DMD: variants seen among roughly 807,000 people sequenced by gnomAD.
DMD encodes the protein dystrophin.
In DMD, 63 loss-of-function variants were observed where a neutral mutation model predicts 330.1. That is an observed-to-expected ratio of 0.19 (90% confidence interval 0.16 to 0.24). The LOEUF is 0.24. Ranked by LOEUF, DMD falls within the 10% of genes least tolerant of loss-of-function variation. The pLI is 1.00. For missense variants in DMD, 3,344 were observed against 2,684.1 expected, an observed-to-expected ratio of 1.25 and a Z score of -5.43; for synonymous variants, 1,223 against 959.8, an observed-to-expected ratio of 1.27 and a Z score of -5.07.
chrX:32,538,991 T>A (rs1286581930), intron 17 of DMD, among the ~76,000 whole-genome samples: 1 of 111,306 alleles, frequency 9.0e-6, no homozygotes, highest in Non-Finnish European at 1.9e-5. Flanking sequence ...GCACTGCAGT[T>A]TGAATATTAC....
intron 59 of DMD, among the ~76,000 whole-genome samples, chrX:31,464,274 T>C (rs1045384822): frequency 1.8e-5 from 2 of 112,178 alleles, no homozygotes; most frequent in Non-Finnish European, 3.8e-5. Flanking sequence ...TGTACAACTC[T>C]GATTTAATCC....
In DMD at chrX:32,364,744, G is replaced by A. The variant is rs1005020985; in HGVS notation, c.5026-34C>T. Reference sequence around the variant, plus strand: ...TACAGAGACATACCATGGCATTATTGGTTAGACAATATTCTTAAAGAATTT... The same window carrying A: ...TACAGAGACATACCATGGCATTATTAGTTAGACAATATTCTTAAAGAATTT... On this transcript the variant is annotated intron_variant, in intron 35 of 78. Transcript: ENST00000357033. 3.4e-6 allele frequency: 4 copies of A among 1,187,790 alleles called. No individual in the cohort carries two copies. In the African/African-American group the frequency reaches 7.1e-5, roughly 21 times the overall value.
upstream of DMD, among the ~76,000 whole-genome samples, chrX:33,214,951 C>A (rs1453268024): frequency 8.9e-6 from 1 of 112,399 alleles, no homozygotes; most frequent in African/African-American, 3.2e-5. Flanking sequence ...CCACACTCGG[C>A]CAGTTTGTAA....
At chrX:32,659,762 A>G (rs1393772425) in intron 9 of DMD, among the ~76,000 whole-genome samples, 1 of 111,054 alleles carries the variant, frequency 9.0e-6, no homozygotes, top group Admixed American at 9.6e-5. Context: ...AGCAGGGACA[A>G]GAAATGACAC....
rs773135408 is a variant in DMD at position 32,697,929 on chromosome X, A to T, written c.901T>A (p.Tyr301Asn). The change falls in exon 9 of 79, where the codon TAC (tyrosine) becomes AAC (asparagine). Residue 301 changes from tyrosine to asparagine, a missense_variant. Tyr to Asn is a moderately radical substitution (Grantham distance 143). Coordinates refer to ENST00000357033, the MANE Select transcript of DMD (RefSeq NM_004006.3). The part of the protein sequence containing the change: ...SPKPRFKSYA[Y>N]TQAAYVTTSD... ...GTGGTGACATAAGCAGCCTGTGTGTAGGCATAGCTCTTGAATCGAGGCTTA... is the reference window on the plus strand; with the variant it reads ...GTGGTGACATAAGCAGCCTGTGTGTTGGCATAGCTCTTGAATCGAGGCTTA... 1 of 1,208,815 alleles carries T rather than the reference A, an allele frequency of 8.3e-7. No homozygotes were observed. Among genetic ancestry groups the T allele is most frequent in the Non-Finnish European group, 1.1e-6 (1 of 894,088 alleles).
chrX:32,189,166 A>G (rs2096960607), intron 44 of DMD, among the ~76,000 whole-genome samples: 1 of 110,623 alleles, frequency 9.0e-6, no homozygotes, highest in Admixed American at 9.7e-5. Context: ...CCTATTTAAC[A>G]ATAATTTTTC....
intron 47 of DMD, among the ~76,000 whole-genome samples, chrX:31,890,082 A>T (rs928487506): frequency 4.8e-4 from 49 of 102,546 alleles, no homozygotes; most frequent in Non-Finnish European, 8.6e-4. Context: ...AATAGAATTT[A>T]AAAAAAAAAA....
chrX:33,223,332 A>G (rs1238129953), intron 1 of DMD, among the ~76,000 whole-genome samples: 5 of 111,748 alleles, frequency 4.5e-5, no homozygotes, highest in Non-Finnish European at 5.6e-5. Flanking sequence ...CAAACAAACA[A>G]ACAAAAACAA....
intron 2 of DMD, among the ~76,000 whole-genome samples, chrX:32,877,603 G>A (rs758131413): frequency 9.0e-6 from 1 of 111,651 alleles, no homozygotes; most frequent in Non-Finnish European, 1.9e-5. Context: ...ACACTTCTGC[G>A]TGCCCACCTC....
intron 7 of DMD, among the ~76,000 whole-genome samples, chrX:32,709,169 A>T (rs964808478): frequency 7.1e-5 from 8 of 111,909 alleles, no homozygotes; most frequent in African/African-American, 2.3e-4. Flanking sequence ...CCCAACTACA[A>T]ATACAATAAT....
intron 57 of DMD, among the ~76,000 whole-genome samples, chrX:31,486,302 T>C (rs2068801638): frequency 8.9e-6 from 1 of 112,367 alleles, no homozygotes; most frequent in African/African-American, 3.2e-5. Context: ...GTGTGTTATA[T>C]GAAGGCCAAG....
At chrX:32,536,287 A>AAAAAAAACAC (rs1556769787) in intron 17 of DMD, among the ~76,000 whole-genome samples, 2 of 106,052 alleles carry the variant, frequency 1.9e-5, no homozygotes, top group African/African-American at 7.3e-5. Context: ...AAAAAAAAAA[A>AAAAAAAACAC]ACACACAAAT....
chrX:32,468,440 T>C (rs2040279806), intron 23 of DMD, 58 bp downstream of exon 23: 2 of 1,008,411 alleles, frequency 2.0e-6, no homozygotes, highest in Non-Finnish European at 2.7e-6. Context: ...TTACAGTGTA[T>C]CGTTAGGGAA....
intron 55 of DMD, among the ~76,000 whole-genome samples, chrX:31,577,408 A>G (rs1436084062): frequency 8.9e-6 from 1 of 112,232 alleles, no homozygotes; most frequent in Non-Finnish European, 1.9e-5. Flanking sequence ...CTCATTTGCT[A>G]TTAATGTGAA....
intron 45 of DMD, among the ~76,000 whole-genome samples, chrX:31,947,199 C>T (rs1415459612): frequency 9.0e-6 from 1 of 111,372 alleles, no homozygotes; most frequent in Admixed American, 9.5e-5. Context: ...GATTATAGCT[C>T]ACTGTAACCT....
chrX:31,965,773 C>G (rs1007517922), intron 45 of DMD, among the ~76,000 whole-genome samples: 4 of 111,662 alleles, frequency 3.6e-5, no homozygotes, highest in Non-Finnish European at 7.5e-5. Flanking sequence ...CATGCTTAAG[C>G]CTATAGATGT....
At chrX:31,263,335 T>G (rs1332247347) in intron 62 of DMD, among the ~76,000 whole-genome samples, 1 of 112,435 alleles carries the variant, frequency 8.9e-6, no homozygotes, top group Non-Finnish European at 1.9e-5. Context: ...GAATCCCACA[T>G]AGAATGAATG....
At chrX:32,733,322 T>C (rs993574916) in intron 7 of DMD, among the ~76,000 whole-genome samples, 1 of 109,794 alleles carries the variant, frequency 9.1e-6, no homozygotes, top group Non-Finnish European at 1.9e-5. Flanking sequence ...TGGGAGACTT[T>C]AACACCCCAC....
chrX:31,408,406 T>G (rs2061494581), intron 60 of DMD, among the ~76,000 whole-genome samples: 1 of 102,404 alleles, frequency 9.8e-6, no homozygotes, highest in African/African-American at 3.5e-5. Context: ...TTCTTTAAAC[T>G]TTTTTTTTTT....
Sources: allele counts gnomAD v4.1 joint callset (sites outside exome capture counted in the v4.1 genomes callset), GRCh38; gene constraint gnomAD v4.1.1; transcripts MANE v1.5; gene names NCBI Gene and HGNC (gene_info 2026-07-23, HGNC 2026-07-21).